The following PDS5A variants were observed in gnomAD, a reference collection of about 807,000 sequenced individuals.
PDS5A encodes sister chromatid cohesion protein PDS5 homolog A.
A neutral mutation model predicts 167.1 loss-of-function variants in PDS5A; 42 were observed. That is an observed-to-expected ratio of 0.25 (90% CI 0.20 to 0.33). The LOEUF is 0.33. PDS5A is among the 10% of genes least tolerant of loss of function. The pLI is 1.00. For synonymous variants in PDS5A, 553 were observed against 554.6 expected (o/e 1.00, Z 0.04); for missense variants, 1,033 against 1,605.9 (o/e 0.64, Z 6.10).
intron 2 of PDS5A, among the ~76,000 whole-genome samples, chr4:39,943,638 A>AAT (rs1727445783): frequency 2.0e-5 from 3 of 150,530 alleles, no homozygotes; most frequent in Non-Finnish European, 3.0e-5. Context: ...AAAAAAAAAA[A>AAT]AATACAAAAA....
intron 2 of PDS5A, among the ~76,000 whole-genome samples, chr4:39,936,165 A>G (rs1188115143): frequency 6.6e-6 from 1 of 152,146 alleles, no homozygotes; most frequent in African/African-American, 2.4e-5. Context: ...GTATGTCAAA[A>G]CTTGTCAGGT....
At chr4:39,844,859 T>C in intron 29 of PDS5A, 58 bp from the exon 30 acceptor site, 1 of 1,495,612 alleles carries the variant, frequency 6.7e-7, no homozygotes, top group Non-Finnish European at 8.9e-7. Context: ...TTACCATGTA[T>C]ACATGTAAAT....
chr4:39,836,810 C>CTTTT (rs35685046), intron 32 of PDS5A, among the ~76,000 whole-genome samples: 4 of 128,834 alleles, frequency 3.1e-5, no homozygotes. Flanking sequence ...GCTTCAGTAA[C>CTTTT]TTTTTTTTTT....
rs1731237606 is a variant in PDS5A at position 39,977,553 on chromosome 4, G to C, written c.-137C>G. ...GTCGGGCTGCACACAAAGCGGCTCC[G>C]CGGGTCCCGCCGCCGCCGCCGCCGC... is the stretch of plus-strand genomic sequence containing the variant. On this transcript the variant is annotated 5_prime_UTR_variant, in exon 1 of 33. Transcript: ENST00000303538. The surrounding 1 kb of genome is among the most constrained non-coding windows in gnomAD (Gnocchi z 4.2). 1 of 158,414 alleles carries C rather than the reference G, an allele frequency of 6.3e-6. No homozygotes were observed. Among genetic ancestry groups the C allele is most frequent in the Non-Finnish European group, 1.3e-5 (1 of 74,974 alleles). 9.8% of individuals were successfully genotyped at this position (158,414 alleles called of 1,614,324 possible). A position where few individuals can be genotyped will look rare whatever the true frequency, so the allele number is the denominator to read the frequency against.
intron 14 of PDS5A, 68 bp downstream of exon 14, chr4:39,900,358 C>T (rs903032874): frequency 2.8e-5 from 27 of 947,538 alleles, no homozygotes; most frequent in South Asian, 1.3e-4. Context: ...TGCTTCATTA[C>T]GTAGAACTAC....
intron 32 of PDS5A, among the ~76,000 whole-genome samples, chr4:39,830,223 C>T (rs1715732724): frequency 1.3e-5 from 2 of 152,026 alleles, no homozygotes; most frequent in Non-Finnish European, 2.9e-5. Context: ...ATGCCAGGCA[C>T]CTATCACTCA....
chr4:39,976,220 CAGTA>C (rs1731067182), intron 2 of PDS5A: 1 of 355,070 alleles, frequency 2.8e-6, no homozygotes, highest in Non-Finnish European at 5.1e-6. Flanking sequence ...GCTTGAAAAC[CAGTA>C]AGTTTTTGAA....
chr4:39,900,793 GA>G (rs1722811808), intron 13 of PDS5A, among the ~76,000 whole-genome samples: 1 of 151,994 alleles, frequency 6.6e-6, no homozygotes, highest in Admixed American at 6.5e-5. Context: ...TTGGTACAAG[GA>G]AAGAAAATCT....
intron 32 of PDS5A, among the ~76,000 whole-genome samples, chr4:39,836,615 A>ATTTTTTTTTTTTTT (rs71645192): frequency 2.8e-5 from 3 of 106,164 alleles, no homozygotes; most frequent in African/African-American, 3.7e-5. Context: ...ATTTTTTTCT[A>ATTTTTTTTTTTTTT]TTTTTTTTTT....
In PDS5A at chr4:39,907,950, C is replaced by G. The variant is rs142804423; in HGVS notation, c.1233+445G>C. Among the ~76,000 whole-genome samples, 1,113 of 152,306 alleles carry G rather than the reference C, an allele frequency of 7.3e-3. 13 individuals carry two copies. The highest frequency in any genetic ancestry group is 0.025 in the African/African-American group (1,027 of 41,572). On this transcript the variant is annotated intron_variant, in intron 11 of 32. Transcript: ENST00000303538. ...GAAAAATAACTAAACATATAACCATCATTATTGTCCTTAGCTTGGCACATC... is the reference window on the plus strand; with the variant it reads ...GAAAAATAACTAAACATATAACCATGATTATTGTCCTTAGCTTGGCACATC...
intron 18 of PDS5A, among the ~76,000 whole-genome samples, chr4:39,878,945 T>C (rs1308024955): frequency 6.6e-6 from 1 of 152,138 alleles, no homozygotes; most frequent in Non-Finnish European, 1.5e-5. Context: ...GGTTTCCCCA[T>C]GTTGGCCAGG....
chr4:39,917,192 TAA>T lies in PDS5A; in HGVS notation c.736-6_736-5del, dbSNP rs1560481648. On this transcript the variant is annotated splice_region_variant and splice_polypyrimidine_tract_variant and intron_variant, in intron 7 of 32. Coordinates refer to ENST00000303538, the MANE Select transcript of PDS5A (RefSeq NM_001100399.2). ...GCACCAGGACTTGATTGAAAAACTG[TAA>T]GAGATATTAAAAACAAAAAGAAAAC... The T allele has an allele frequency of 2.0e-6, 3 of 1,519,312 alleles. No individual in the cohort carries two copies. Among genetic ancestry groups the T allele is most frequent in the South Asian group, 1.3e-5 (1 of 75,656 alleles). The allele number at this position is 1,519,312 out of a possible 1,614,324, so 94.1% of individuals were successfully genotyped here.
chr4:39,921,646 G>A (rs1724985280), intron 6 of PDS5A, among the ~76,000 whole-genome samples: 8 of 151,140 alleles, frequency 5.3e-5, no homozygotes, highest in Admixed American at 5.3e-4. Context: ...CAGCTACTTG[G>A]GAGGCTGAGG....
rs1028701533 is a variant in PDS5A, at chr4:39,977,074, A to G, written c.-41+383T>C. On this transcript the variant is annotated intron_variant, in intron 1 of 32. Coordinates refer to ENST00000303538, the MANE Select transcript of PDS5A (RefSeq NM_001100399.2). This position sits in a 1 kb window ranked among gnomAD's most constrained non-coding sequence, Gnocchi z 4.2. Reference sequence around the variant, plus strand: ...CTAGGGACCCAGCGGACCCACGCGCAGCGGCGGCTGCCGGGAACAAAACGC... The same window carrying G: ...CTAGGGACCCAGCGGACCCACGCGCGGCGGCGGCTGCCGGGAACAAAACGC... 2.6e-5 allele frequency among the ~76,000 whole-genome samples: 4 copies of G among 152,210 alleles called. No individual in the cohort carries two copies. The South Asian group carries it at 8.3e-4, about 32-fold the overall frequency.
At chr4:39,832,589 T>G (rs548350581) in intron 32 of PDS5A, among the ~76,000 whole-genome samples, 57 of 152,168 alleles carry the variant, frequency 3.7e-4, no homozygotes, top group Non-Finnish European at 7.5e-4. Context: ...CTGAAAATAT[T>G]TGAGAAGTTT....
chr4:39,938,914 G>T (rs1267607917), intron 2 of PDS5A, among the ~76,000 whole-genome samples: 1 of 151,730 alleles, frequency 6.6e-6, no homozygotes, highest in African/African-American at 2.4e-5. Flanking sequence ...AGGTTGCAGT[G>T]AGCCAAGATC....
chr4:39,940,393 C>A (rs1389496648), intron 2 of PDS5A, among the ~76,000 whole-genome samples: 2 of 152,066 alleles, frequency 1.3e-5, no homozygotes, highest in East Asian at 3.8e-4. Flanking sequence ...TGATGATATT[C>A]TATTTCTTTA....
chr4:39,935,664 T>C (rs535957343), intron 2 of PDS5A, among the ~76,000 whole-genome samples: 1 of 152,296 alleles, frequency 6.6e-6, no homozygotes, highest in East Asian at 1.9e-4. Flanking sequence ...TAGCTTTGAT[T>C]ACTGTAGCTT....
chr4:39,893,837 A>C (rs147652640), intron 16 of PDS5A, among the ~76,000 whole-genome samples: 117 of 152,310 alleles, frequency 7.7e-4, no homozygotes, highest in South Asian at 3.1e-3. Flanking sequence ...AGGTATAATG[A>C]ACTCATGCTC....
Sources: allele counts gnomAD v4.1 joint callset (sites outside exome capture counted in the v4.1 genomes callset), GRCh38; gene constraint gnomAD v4.1.1; non-coding constraint Gnocchi (gnomAD v3.1); transcripts MANE v1.5; gene names NCBI Gene and HGNC (gene_info 2026-07-23, HGNC 2026-07-21).